Variants in SOX6 observed in about 807,000 individuals in gnomAD.
SOX6 encodes the protein transcription factor SOX-6.
A neutral mutation model predicts 97.8 loss-of-function variants in SOX6; 11 were observed. The observed-to-expected ratio is 0.11, with a 90% confidence interval of 0.07 to 0.19. SOX6 has a LOEUF of 0.19. SOX6 is among the 10% of genes least tolerant of loss of function. The pLI, the probability that SOX6 is intolerant of heterozygous loss-of-function variation, is 1.00. For synonymous variants in SOX6, 360 were observed against 371.4 expected, an observed-to-expected ratio of 0.97 and a Z score of 0.35; for missense variants, 810 against 1,039.5, an observed-to-expected ratio of 0.78 and a Z score of 3.04.
At chr11:16,121,042 T>C (rs1405871358) in intron 6 of SOX6, among the ~76,000 whole-genome samples, 2 of 152,122 alleles carry the variant, frequency 1.3e-5, no homozygotes, top group Non-Finnish European at 2.9e-5. Context: ...TCTCTTTTTA[T>C]ATTCTCAGCA....
At chr11:16,200,567 T>C (rs906918245) in intron 4 of SOX6, among the ~76,000 whole-genome samples, 16 of 152,174 alleles carry the variant, frequency 1.1e-4, no homozygotes, top group African/African-American at 3.6e-4. Context: ...TTAATCTCTT[T>C]CTAAAATGTA....
chr11:16,600,692 T>C (rs1478902795), intron 4 of SOX6, among the ~76,000 whole-genome samples: 1 of 152,224 alleles, frequency 6.6e-6, no homozygotes, highest in Non-Finnish European at 1.5e-5. Flanking sequence ...TTCCAGTTTG[T>C]TTAAATGTCT....
At chr11:16,390,251 G>C (rs1038827617) in intron 1 of SOX6, among the ~76,000 whole-genome samples, 1 of 148,752 alleles carries the variant, frequency 6.7e-6, no homozygotes, top group South Asian at 2.1e-4. Flanking sequence ...TGATTCTCCA[G>C]GTCAGAAAAA....
At chr11:16,146,869 A>T (rs1486576385) in intron 6 of SOX6, among the ~76,000 whole-genome samples, 1 of 152,166 alleles carries the variant, frequency 6.6e-6, no homozygotes, top group African/African-American at 2.4e-5. Context: ...GCTAGAGAGG[A>T]TGTGGAGAAA....
intron 4 of SOX6, among the ~76,000 whole-genome samples, chr11:16,508,725 G>C (rs1177058745): frequency 6.6e-6 from 1 of 152,038 alleles, no homozygotes; most frequent in Non-Finnish European, 1.5e-5. Flanking sequence ...TGGTTAATGA[G>C]TACAAACCTA....
At chr11:16,535,233 A>C (rs1423751255) in intron 4 of SOX6, among the ~76,000 whole-genome samples, 1 of 152,230 alleles carries the variant, frequency 6.6e-6, no homozygotes, top group Non-Finnish European at 1.5e-5. Context: ...ATGTATCTAC[A>C]AAATGTATAT....
chr11:16,020,533 A>G (rs1361892545), intron 12 of SOX6, among the ~76,000 whole-genome samples: 1 of 152,050 alleles, frequency 6.6e-6, no homozygotes, highest in African/African-American at 2.4e-5. Context: ...TCAATTTTCT[A>G]CAGTTCTCCT....
At chr11:16,669,615 G>A (rs1847832801) in intron 3 of SOX6, among the ~76,000 whole-genome samples, 1 of 152,250 alleles carries the variant, frequency 6.6e-6, no homozygotes, top group African/African-American at 2.4e-5. Flanking sequence ...ACTCCCAGTG[G>A]GAGGGGTGGG....
chr11:16,100,871 A>C (rs1426252697), intron 7 of SOX6, among the ~76,000 whole-genome samples: 2 of 151,744 alleles, frequency 1.3e-5, no homozygotes, highest in Non-Finnish European at 3.0e-5. Flanking sequence ...TTCAGATGTT[A>C]ACACATTGAA....
rs1036722119 is a variant in SOX6 at position 15,993,237 on chromosome 11, CTT to C, written c.1733-4009_1733-4008del. Among the ~76,000 whole-genome samples the C allele has an allele frequency of 3.3e-4, 51 of 152,244 alleles. No individual in the cohort carries two copies. The Middle Eastern group carries it at 0.01, about 30-fold the overall frequency. On this transcript the variant is annotated intron_variant, in intron 13 of 15. Coordinates refer to ENST00000683767, the MANE Select transcript of SOX6 (RefSeq NM_001367873.1). ...CTGTGTATCTGAAGTCTAAAATTCA[CTT>C]TGTTATAATTAATTTTAAAAATCAG...
rs1282034817 is a variant in SOX6, at chr11:16,356,483, T to C, written c.-394A>G. On this transcript the variant is annotated 5_prime_UTR_variant, in exon 1 of 16. Transcript: ENST00000683767. ...ACAAGCTAGTCAAGCCATCATCCAATAGAGCCTATTTGCTGAGCAACAGTG... is the reference window on the plus strand; with the variant it reads ...ACAAGCTAGTCAAGCCATCATCCAACAGAGCCTATTTGCTGAGCAACAGTG... Among the ~76,000 whole-genome samples, 1 of 152,082 alleles carries C rather than the reference T, an allele frequency of 6.6e-6. No individual in the cohort carries two copies. The highest frequency in any genetic ancestry group is 1.5e-5 in the Non-Finnish European group (1 of 67,990).
At chr11:16,730,458 A>G (rs1357685218) in intron 2 of SOX6, among the ~76,000 whole-genome samples, 1 of 152,192 alleles carries the variant, frequency 6.6e-6, no homozygotes, top group East Asian at 1.9e-4. Flanking sequence ...AAACCGCACA[A>G]CTACATGGAA....
At chr11:16,272,636 T>G (rs1186225042) in intron 3 of SOX6, among the ~76,000 whole-genome samples, 1 of 151,748 alleles carries the variant, frequency 6.6e-6, no homozygotes, top group Non-Finnish European at 1.5e-5. Context: ...AAATAAGTCA[T>G]CTGATTTAAA....
intron 3 of SOX6, among the ~76,000 whole-genome samples, chr11:16,621,007 G>A (rs1015615910): frequency 6.6e-6 from 1 of 152,156 alleles, no homozygotes; most frequent in Admixed American, 6.5e-5. Flanking sequence ...CACCCAAAAT[G>A]TGAACTTTCT....
chr11:16,198,553 G>GA (rs1287597545), intron 4 of SOX6, among the ~76,000 whole-genome samples: 3 of 151,824 alleles, frequency 2.0e-5, no homozygotes, highest in Non-Finnish European at 1.5e-5. Flanking sequence ...AGACAAGAAG[G>GA]AAAAAATACG....
chr11:16,413,982 A>G (rs1159668690), intron 1 of SOX6, among the ~76,000 whole-genome samples: 1 of 151,102 alleles, frequency 6.6e-6, no homozygotes, highest in Non-Finnish European at 1.5e-5. Context: ...GAAACTGGAA[A>G]GCGATTAAAG....
rs189065154 is a variant in SOX6, at chr11:16,467,401, C to T, written c.-5+8914G>A. On this transcript the variant is annotated intron_variant, in intron 1 of 15. Transcript: ENST00000396356. ...AGAAATCAACCTAAATGACTATCAACGATAGACTGAATAAATAAAATGTGG... is the reference window on the plus strand; with the variant it reads ...AGAAATCAACCTAAATGACTATCAATGATAGACTGAATAAATAAAATGTGG... 3.9e-3 allele frequency among the ~76,000 whole-genome samples: 599 copies of T among 152,194 alleles called. 3 individuals carry two copies. Among genetic ancestry groups the T allele is most frequent in the African/African-American group, 0.014 (579 of 41,530 alleles).
chr11:16,058,501 T>C (rs558687099), intron 9 of SOX6, among the ~76,000 whole-genome samples: 1 of 152,238 alleles, frequency 6.6e-6, no homozygotes, highest in Admixed American at 6.6e-5. Flanking sequence ...GGTAGACTTA[T>C]TGATTTATGG....
Position 16,578,358 on chromosome 11 carries a change from C to T in SOX6, n.609+33723G>A, listed in dbSNP as rs188037863. ...AAATTGCATGTAGAGTTTTTTTAAT[C>T]GTATTTTTTCCATCTTTGAACTTTA... On this transcript the variant is annotated intron_variant and non_coding_transcript_variant, in intron 4 of 5. Coordinates refer to the SOX6 transcript ENST00000524520. Among the ~76,000 whole-genome samples the T allele has an allele frequency of 1.1e-3, 171 of 152,054 alleles. 1 individual carries two copies. Among genetic ancestry groups the T allele is most frequent in the Non-Finnish European group, 2.0e-3 (133 of 67,956 alleles).
Sources: allele counts gnomAD v4.1 joint callset (sites outside exome capture counted in the v4.1 genomes callset), GRCh38; gene constraint gnomAD v4.1.1; transcripts MANE v1.5; gene names NCBI Gene and HGNC (gene_info 2026-07-23, HGNC 2026-07-21).